SENP7: variants seen among roughly 807,000 people sequenced by gnomAD.
SENP7 encodes the protein SUMO specific peptidase 7.
A neutral mutation model predicts 141.2 loss-of-function variants in SENP7; 64 were observed. The ratio of observed to expected loss-of-function variants is 0.45; its 90% CI spans 0.37 to 0.56. The LOEUF (loss-of-function observed/expected upper bound fraction) is 0.56, where lower values mean the gene tolerates loss of function less well. Among genes scored for constraint, SENP7 ranks in the 20% least tolerant of loss-of-function variants. The pLI is 0.00. For missense variants in SENP7, 1,025 were observed against 1,212.2 expected (o/e 0.85, Z 2.29); for synonymous variants, 382 against 426.4 (o/e 0.90, Z 1.28).
intron 4 of SENP7, among the ~76,000 whole-genome samples, chr3:101,430,713 C>G (rs975675710): frequency 6.6e-6 from 1 of 151,592 alleles, no homozygotes; most frequent in African/African-American, 2.4e-5. Context: ...ATCTATTTCT[C>G]GCCTTCTTCT....
At chr3:101,361,932 C>A in intron 10 of SENP7, 71 bp from the exon 11 acceptor site, 2 of 1,448,148 alleles carry the variant, frequency 1.4e-6, no homozygotes, top group Non-Finnish European at 9.2e-7. Flanking sequence ...TGACTTTCAC[C>A]ATCAAATTCT....
intron 6 of SENP7, among the ~76,000 whole-genome samples, chr3:101,379,634 A>C (rs938411702): frequency 3.3e-5 from 5 of 152,272 alleles, no homozygotes; most frequent in Non-Finnish European, 7.4e-5. Flanking sequence ...ATGAGATTCC[A>C]CCTCACATGC....
At chr3:101,382,679 T>C (rs1049314772) in intron 6 of SENP7, among the ~76,000 whole-genome samples, 13 of 152,168 alleles carry the variant, frequency 8.5e-5, no homozygotes, top group Admixed American at 2.6e-4. Flanking sequence ...AATCAGAACT[T>C]CAATTAGGAA....
intron 3 of SENP7, among the ~76,000 whole-genome samples, chr3:101,466,594 A>G (rs568293205): frequency 1.3e-5 from 2 of 152,326 alleles, no homozygotes; most frequent in South Asian, 4.1e-4. Flanking sequence ...AATGCTTAAT[A>G]GAGTCTTAAA....
intron 4 of SENP7, among the ~76,000 whole-genome samples, chr3:101,451,032 A>G (rs1464784627): frequency 6.6e-6 from 1 of 152,194 alleles, no homozygotes; most frequent in African/African-American, 2.4e-5. Flanking sequence ...CATAAAGGGG[A>G]TATCACCACC....
chr3:101,501,887 A>T (rs781051577), intron 1 of SENP7, among the ~76,000 whole-genome samples: 1 of 152,196 alleles, frequency 6.6e-6, no homozygotes, highest in African/African-American at 2.4e-5. Context: ...ATTCCATAGG[A>T]AAGGGATGAT....
At chr3:101,437,288 A>C (rs1265947040) in intron 4 of SENP7, among the ~76,000 whole-genome samples, 2 of 152,202 alleles carry the variant, frequency 1.3e-5, no homozygotes, top group Non-Finnish European at 2.9e-5. Flanking sequence ...AATAGAATGA[A>C]TAAAACCTAC....
At chr3:101,336,666 T>C (rs1388129479) in intron 17 of SENP7, among the ~76,000 whole-genome samples, 2 of 152,176 alleles carry the variant, frequency 1.3e-5, no homozygotes, top group Non-Finnish European at 2.9e-5. Context: ...AAAATAACAA[T>C]AACTCAGCTT....
intron 4 of SENP7, among the ~76,000 whole-genome samples, chr3:101,455,288 A>G (rs1312706926): frequency 1.3e-5 from 2 of 152,188 alleles, no homozygotes; most frequent in Non-Finnish European, 2.9e-5. Flanking sequence ...CCTCTCCATT[A>G]TAGTAAGAAG....
At chr3:101,425,293 G>A (rs1405677923) in intron 4 of SENP7, among the ~76,000 whole-genome samples, 1 of 152,102 alleles carries the variant, frequency 6.6e-6, no homozygotes, top group Non-Finnish European at 1.5e-5. Context: ...GAGCACCTCA[G>A]CCCCCCAACA....
chr3:101,495,566 G>A (rs916626572), intron 2 of SENP7, among the ~76,000 whole-genome samples: 2 of 152,196 alleles, frequency 1.3e-5, no homozygotes, highest in Admixed American at 1.3e-4. Context: ...ATACTATGCA[G>A]CCCTAAAAAG....
chr3:101,458,979 A>C lies in SENP7; in HGVS notation c.260T>G (p.Val87Gly), dbSNP rs2063454736. Residue 87 changes from valine (V) to glycine (G), a missense_variant, in exon 4 of 24, where the codon GTT becomes GGT. By Grantham distance (109) the Val-to-Gly change is moderately radical. Around this residue, in one of 4 missense-constraint regions of SENP7, gnomAD observed 496 missense variants for 503.5 expected, o/e 0.99. Coordinates refer to ENST00000394095, the MANE Select transcript of SENP7 (RefSeq NM_020654.5). ...KNKKHIRGCP[V>G]TSKSSPERQL... ...CCTTTCTGGTGATGACTTGGAAGTA[A>C]CAGGACACCCTCGGATATGTTTTTT... The C allele has an allele frequency of 6.2e-7, 1 of 1,609,174 alleles. No individual in the cohort carries two copies. The highest frequency in any genetic ancestry group is 8.5e-7 in the Non-Finnish European group (1 of 1,176,236).
At chr3:101,412,735 A>G (rs2061490757) in intron 5 of SENP7, among the ~76,000 whole-genome samples, 1 of 152,110 alleles carries the variant, frequency 6.6e-6, no homozygotes, top group Non-Finnish European at 1.5e-5. Context: ...AGCCTTGTAT[A>G]AGTGTCCCAC....
intron 6 of SENP7, among the ~76,000 whole-genome samples, chr3:101,391,660 T>C (rs1044767881): frequency 2.6e-5 from 4 of 152,200 alleles, no homozygotes; most frequent in African/African-American, 7.2e-5. Flanking sequence ...ATCAATCTTA[T>C]AGAGAGGAAC....
chr3:101,372,900 T>C (rs1185946703), intron 6 of SENP7, among the ~76,000 whole-genome samples: 2 of 151,988 alleles, frequency 1.3e-5, no homozygotes, highest in Admixed American at 6.6e-5. Flanking sequence ...CTGAGTGATA[T>C]GTATTGGCAT....
chr3:101,340,655 G>C (rs1230520081), intron 15 of SENP7, among the ~76,000 whole-genome samples: 1 of 152,136 alleles, frequency 6.6e-6, no homozygotes, highest in Non-Finnish European at 1.5e-5. Flanking sequence ...CAAAAATTGT[G>C]CTCTGCTCCT....
chr3:101,493,688 T>C (rs1264222652), intron 3 of SENP7, among the ~76,000 whole-genome samples, 185 bp downstream of exon 3: 1 of 152,164 alleles, frequency 6.6e-6, no homozygotes, highest in African/African-American at 2.4e-5. Context: ...TACATAGTTT[T>C]AAACGAAGAG....
At position 101,325,824 on chromosome 3, in the gene SENP7, T is replaced by C. The variant is rs2058885454; in HGVS notation, c.*119A>G. 1.1e-6 allele frequency: 1 copy of C among 873,164 alleles called. No homozygotes were observed. The highest frequency in any genetic ancestry group is 1.7e-5 in the African/African-American group (1 of 57,690). The allele number at this position is 873,164 out of a possible 1,614,324, so 54.1% of individuals were successfully genotyped here. On this transcript the variant is annotated 3_prime_UTR_variant, in exon 24 of 24. Transcript: ENST00000394095. ...CTACATATTTTAAATAATGTTCCAA[T>C]GACTTATTATAAAACTACTGCAAGT...
chr3:101,414,817 G>C (rs558777135), intron 5 of SENP7, among the ~76,000 whole-genome samples: 1 of 149,984 alleles, frequency 6.7e-6, no homozygotes, highest in African/African-American at 2.4e-5. Flanking sequence ...AACATGAAAT[G>C]GAAAAAAGTG....
Sources: allele counts gnomAD v4.1 joint callset (sites outside exome capture counted in the v4.1 genomes callset), GRCh38; gene constraint gnomAD v4.1.1; regional missense constraint gnomAD v4.1.1; transcripts MANE v1.5; gene names NCBI Gene and HGNC (gene_info 2026-07-23, HGNC 2026-07-21).